The following PCDH9 variants were observed in gnomAD, a reference collection of about 807,000 sequenced individuals.
The protein encoded by PCDH9 is protocadherin-9.
Under a neutral mutation model 70.6 loss-of-function variants are expected in PCDH9, and 24 were observed. That is an observed-to-expected ratio of 0.34 (90% CI 0.25 to 0.48). The LOEUF (loss-of-function observed/expected upper bound fraction) is 0.48. Among genes scored for constraint, PCDH9 ranks in the 20% least tolerant of loss-of-function variants. The pLI is 0.99. For synonymous variants in PCDH9, 562 were observed against 558.5 expected (o/e 1.01, Z -0.09); for missense variants, 1,281 against 1,503.6 (o/e 0.85, Z 2.45).
intron 3 of PCDH9, among the ~76,000 whole-genome samples, chr13:66,869,724 G>C (rs180894831): frequency 5.9e-5 from 9 of 152,154 alleles, no homozygotes; most frequent in Admixed American, 5.9e-4. Context: ...CATTCCACTT[G>C]AATTTGAGAA....
intron 3 of PCDH9, among the ~76,000 whole-genome samples, chr13:66,710,163 A>G (rs1276485862): frequency 2.6e-5 from 4 of 152,178 alleles, no homozygotes; most frequent in South Asian, 2.1e-4. Context: ...CTCATTTAAC[A>G]TACAACTAGA....
At position 66,304,483 on chromosome 13, in the gene PCDH9, A is replaced by C; in HGVS notation, c.*172T>G. On this transcript the variant is annotated 3_prime_UTR_variant, in exon 5 of 5. Transcript: ENST00000377865. ...TAAACAAAATTGCATGGCTAGAACTATCTTCTCTCATATGTTGCAAAAACA... is the reference window on the plus strand; with the variant it reads ...TAAACAAAATTGCATGGCTAGAACTCTCTTCTCTCATATGTTGCAAAAACA... The C allele has an allele frequency of 1.6e-4, 86 of 545,136 alleles. No individual in the cohort carries two copies. The highest frequency in any genetic ancestry group is 2.1e-4 in the East Asian group (7 of 33,248). The allele number at this position is 545,136 out of a possible 1,614,324, so 33.8% of individuals were successfully genotyped here. A position where few individuals can be genotyped will look rare whatever the true frequency, so the allele number is the denominator to read the frequency against.
At chr13:67,016,349 C>G (rs2084560494) in intron 2 of PCDH9, among the ~76,000 whole-genome samples, 1 of 152,140 alleles carries the variant, frequency 6.6e-6, no homozygotes, top group South Asian at 2.1e-4. Flanking sequence ...CTCCATGAAG[C>G]ATTCATTCAA....
At chr13:66,881,300 T>G (rs2081917239) in intron 3 of PCDH9, among the ~76,000 whole-genome samples, 1 of 152,156 alleles carries the variant, frequency 6.6e-6, no homozygotes, top group African/African-American at 2.4e-5. Flanking sequence ...GACTCACAGT[T>G]TCATGTGGCT....
intron 2 of PCDH9, among the ~76,000 whole-genome samples, chr13:67,075,014 A>G (rs1011489369): frequency 1.3e-5 from 2 of 151,994 alleles, no homozygotes; most frequent in Admixed American, 6.6e-5. Flanking sequence ...TCCCAATGGA[A>G]TATGGATCAA....
intron 2 of PCDH9, among the ~76,000 whole-genome samples, chr13:67,191,342 T>C (rs756014263): frequency 1.3e-5 from 2 of 152,168 alleles, no homozygotes; most frequent in Non-Finnish European, 2.9e-5. Flanking sequence ...CTTGATCATT[T>C]TGTTGATCCC....
chr13:66,858,279 T>G (rs920489106), intron 3 of PCDH9, among the ~76,000 whole-genome samples: 1 of 152,186 alleles, frequency 6.6e-6, no homozygotes, highest in Non-Finnish European at 1.5e-5. Flanking sequence ...AAAACTTACT[T>G]GAGTTTTCGT....
chr13:67,138,317 T>C (rs1006549136), intron 2 of PCDH9, among the ~76,000 whole-genome samples: 1 of 152,162 alleles, frequency 6.6e-6, no homozygotes, highest in African/African-American at 2.4e-5. Flanking sequence ...AAGCACACAA[T>C]ACAGGGTGCC....
intron 2 of PCDH9, among the ~76,000 whole-genome samples, chr13:67,030,957 A>G (rs545305726): frequency 6.6e-6 from 1 of 152,336 alleles, no homozygotes; most frequent in African/African-American, 2.4e-5. Flanking sequence ...TAGGAAACTT[A>G]GACTAACTAG....
chr13:67,035,658 C>T (rs2084995098), intron 2 of PCDH9, among the ~76,000 whole-genome samples: 1 of 151,012 alleles, frequency 6.6e-6, no homozygotes, highest in Non-Finnish European at 1.5e-5. Flanking sequence ...AATAATAAGG[C>T]ACCCAAGGTA....
At chr13:66,508,306 G>C (rs1959282440) in intron 4 of PCDH9, among the ~76,000 whole-genome samples, 1 of 152,116 alleles carries the variant, frequency 6.6e-6, no homozygotes, top group Non-Finnish European at 1.5e-5. Context: ...TTCACTTGGG[G>C]TGACAGAAAT....
chr13:67,090,351 T>G lies in PCDH9; in HGVS notation c.3036+135054A>C, dbSNP rs74479813. 3.0e-3 allele frequency among the ~76,000 whole-genome samples: 453 copies of G among 152,126 alleles called. 2 individuals are homozygous for G. Among genetic ancestry groups the G allele is most frequent in the African/African-American group, 9.9e-3 (412 of 41,552 alleles). ...ATGTTGCTGGTCCTTAGACAACACT[T>G]TGAATAGCATGGCTTTTGGATACTA... On this transcript the variant is annotated intron_variant, in intron 2 of 4. Transcript: ENST00000377865.
At chr13:66,443,407 T>G (rs921122243) in intron 4 of PCDH9, among the ~76,000 whole-genome samples, 4 of 152,210 alleles carry the variant, frequency 2.6e-5, no homozygotes, top group Non-Finnish European at 4.4e-5. Flanking sequence ...GGTTTTATGT[T>G]TTTATTGTTC....
At chr13:66,687,168 T>C (rs1042240940) in intron 3 of PCDH9, among the ~76,000 whole-genome samples, 28 of 152,158 alleles carry the variant, frequency 1.8e-4, no homozygotes, top group Non-Finnish European at 2.8e-4. Flanking sequence ...TGTTTGTATG[T>C]CCAAACTGAA....
intron 4 of PCDH9, among the ~76,000 whole-genome samples, chr13:66,486,207 C>T (rs190606588): frequency 6.6e-6 from 1 of 152,016 alleles, no homozygotes; most frequent in East Asian, 1.9e-4. Context: ...TTTGGGAGGC[C>T]AAGGCAGGAG....
At chr13:66,685,036 A>G (rs1414360397) in intron 3 of PCDH9, among the ~76,000 whole-genome samples, 3 of 152,010 alleles carry the variant, frequency 2.0e-5, no homozygotes, top group African/African-American at 4.8e-5. Context: ...AAAAGAAAAA[A>G]AAAACATTTT....
intron 3 of PCDH9, among the ~76,000 whole-genome samples, chr13:66,824,303 G>GTATATATA (rs60742942): frequency 2.0e-4 from 26 of 128,366 alleles, no homozygotes; most frequent in African/African-American, 5.3e-4. Flanking sequence ...TTGTTTGAAA[G>GTATATATA]TATATATATA....
chr13:67,079,120 C>A (rs1053936215), intron 2 of PCDH9, among the ~76,000 whole-genome samples: 7 of 151,750 alleles, frequency 4.6e-5, no homozygotes, highest in Admixed American at 3.3e-4. Flanking sequence ...CCAGCCTGAA[C>A]AACATGGTAG....
At chr13:66,525,582 G>A (rs564901895) in intron 4 of PCDH9, among the ~76,000 whole-genome samples, 4 of 152,006 alleles carry the variant, frequency 2.6e-5, no homozygotes, top group East Asian at 3.9e-4. Flanking sequence ...AACAAACAAC[G>A]AAAGTCCTTT....
Sources: allele counts gnomAD v4.1 joint callset (sites outside exome capture counted in the v4.1 genomes callset), GRCh38; gene constraint gnomAD v4.1.1; transcripts MANE v1.5; gene names NCBI Gene and HGNC (gene_info 2026-07-23, HGNC 2026-07-21).